The following ESYT1 variants were observed in gnomAD, a reference collection of about 807,000 sequenced individuals.
The protein encoded by ESYT1 is extended synaptotagmin-1.
Under a neutral mutation model 154.2 loss-of-function variants are expected in ESYT1, and 116 were observed. That is an observed-to-expected ratio of 0.75 (90% confidence interval 0.65 to 0.88). The LOEUF is 0.88. Ranked by LOEUF, ESYT1 falls within the 40% of genes least tolerant of loss-of-function variation. ESYT1 has a pLI of 0.00. For missense variants in ESYT1, 1,264 were observed against 1,379.3 expected, an observed-to-expected ratio of 0.92 and a Z score of 1.32; for synonymous variants, 500 against 539.9, an observed-to-expected ratio of 0.93 and a Z score of 1.02.
intron 28 of ESYT1, 35 bp downstream of exon 28, chr12:56,143,183 G>A: frequency 6.2e-7 from 1 of 1,614,136 alleles, no homozygotes; most frequent in East Asian, 2.2e-5. Flanking sequence ...AGAGATGGCA[G>A]GCTTGGAAAG....
Position 56,143,931 on chromosome 12 carries a change from T to G in ESYT1, c.*69T>G, listed in dbSNP as rs1870819800. 1 of 1,610,682 alleles carries G rather than the reference T, an allele frequency of 6.2e-7. No homozygotes were observed. Among genetic ancestry groups the G allele is most frequent in the African/African-American group, 1.3e-5 (1 of 75,022 alleles). On this transcript the variant is annotated 3_prime_UTR_variant, in exon 31 of 31. Coordinates refer to ENST00000394048, the MANE Select transcript of ESYT1 (RefSeq NM_015292.3). ...GTCTCGCTCCATCACCGCCTCAATGTGATGAGCCTAAAGCTAGGGTCCAAG... is the reference window on the plus strand; with the variant it reads ...GTCTCGCTCCATCACCGCCTCAATGGGATGAGCCTAAAGCTAGGGTCCAAG...
chr12:56,135,065 A>G (rs987580698), intron 15 of ESYT1, among the ~76,000 whole-genome samples: 1 of 151,840 alleles, frequency 6.6e-6, no homozygotes, highest in African/African-American at 2.4e-5. Context: ...CATACCATAG[A>G]ATCACTCATT....
chr12:56,133,215 C>T (rs1325633281), intron 10 of ESYT1, among the ~76,000 whole-genome samples: 2 of 152,124 alleles, frequency 1.3e-5, no homozygotes, highest in African/African-American at 4.8e-5. Flanking sequence ...AATCATGTAT[C>T]ATTTTCCTTC....
chr12:56,130,871 A>G lies in ESYT1; in HGVS notation c.513A>G (p.Gly171=), dbSNP rs149091796. Residue 171 remains glycine (G), a synonymous_variant, in exon 3 of 31, where the codon GGA becomes GGG. Coordinates refer to ENST00000394048, the MANE Select transcript of ESYT1 (RefSeq NM_015292.3). The part of the protein sequence containing the change: ...LAETVAPAVR[G]SNPHLQTFTF... ...AAACTGTGGCTCCGGCTGTTAGGGG[A>G]TCTAACCCCCATCTGCAAACATTTA... The G allele has an allele frequency of 6.2e-7, 1 of 1,614,014 alleles. No individual in the cohort carries two copies. The highest frequency in any genetic ancestry group is 1.3e-5 in the African/African-American group (1 of 74,900).
chr12:56,133,375 C>T (rs750549472), intron 10 of ESYT1, 42 bp from the exon 11 acceptor site: 5 of 1,612,736 alleles, frequency 3.1e-6, no homozygotes, highest in South Asian at 1.1e-5. Context: ...ACAACACTAC[C>T]CTTTTCTTCC....
In ESYT1 at chr12:56,142,648, G is replaced by A; in HGVS notation, c.2804G>A (p.Ser935Asn). 6.2e-7 allele frequency: 1 copy of A among 1,614,158 alleles called. No individual in the cohort carries two copies. The highest frequency in any genetic ancestry group is 8.5e-7 in the Non-Finnish European group (1 of 1,180,046). The part of the protein sequence containing the change: ...HSYSHSSSSL[S>N]EEPELSGGPP... ...TACAGCCACAGCTCCTCATCGCTGAGTGAAGAACCAGAGCTCTCGGGGGGA... is the reference window on the plus strand; with the variant it reads ...TACAGCCACAGCTCCTCATCGCTGAATGAAGAACCAGAGCTCTCGGGGGGA... The change falls in exon 26 of 31, where the codon AGT becomes AAT. Residue 935 changes from serine (S) to asparagine (N), a missense_variant. Physicochemically the swap from Ser to Asn is conservative, Grantham distance 46 (BLOSUM62 1). Coordinates refer to ENST00000394048, the MANE Select transcript of ESYT1 (RefSeq NM_015292.3). This position sits in a 1 kb window ranked among gnomAD's most constrained non-coding sequence, Gnocchi z 4.1.
rs763567977 is a variant in ESYT1, at chr12:56,137,551, G to T, written c.1991G>T (p.Arg664Leu). The change falls in exon 18 of 31, where the codon CGT becomes CTT. Residue 664 changes from arginine (R) to leucine (L), a missense_variant. Transcript: ENST00000394048. ...GCCCAGGACCTGATTGCCAAAGACC[G>T]TTTCTTGGGGGGACTGGTGAAGGGC... The part of the protein sequence containing the change: ...LEAQDLIAKD[R>L]FLGGLVKGKS... The T allele has an allele frequency of 1.2e-6, 2 of 1,614,032 alleles. No individual in the cohort carries two copies. The highest frequency in any genetic ancestry group is 2.7e-5 in the African/African-American group (2 of 74,914).
At position 56,143,838 on chromosome 12, in the gene ESYT1, C is replaced by A. The variant is rs922884080; in HGVS notation, c.3291C>A (p.Asp1097Glu). Residue 1097 changes from aspartate to glutamate, a missense_variant, in exon 31 of 31, where the codon GAC becomes GAA. Coordinates refer to ENST00000394048, the MANE Select transcript of ESYT1 (RefSeq NM_015292.3). The part of the protein sequence containing the change: ...QGVARWYDLM[D>E]NKDKGSS ...CTTTTCACAGGTATGACCTGATGGA[C>A]AACAAGGACAAGGGCAGCTCCTAGG... is the stretch of plus-strand genomic sequence containing the variant. 1.9e-6 allele frequency: 3 copies of A among 1,614,010 alleles called. No homozygotes were observed. In the East Asian group the frequency reaches 6.7e-5, roughly 36 times the overall value.
rs115884011 is a variant in ESYT1 at position 56,137,371 on chromosome 12, G to A, written c.1936G>A (p.Glu646Lys). 128 of 1,614,238 alleles carry A rather than the reference G, an allele frequency of 7.9e-5. 1 individual carries two copies. In the African/African-American group the frequency reaches 1.6e-3, roughly 20 times the overall value. Residue 646 changes from glutamate (E) to lysine (K), a missense_variant and splice_region_variant, in exon 17 of 31, where the codon GAG (glutamate) becomes AAG (lysine). Transcript: ENST00000394048. ...HTTPDSQFGT[E>K]HVLRIHVLEA... The stretch of plus-strand genomic sequence containing the variant: ...GACTCCTGATAGCCAGTTTGGGACT[G>A]AGGTGAGTCTATATCTGGAAAGGAC...
At chr12:56,137,786 G>T (rs760907772) in intron 18 of ESYT1, 46 bp from the exon 19 acceptor site, 1 of 1,612,430 alleles carries the variant, frequency 6.2e-7, no homozygotes, top group Non-Finnish European at 8.5e-7. Context: ...GTCATTTGCA[G>T]AGGAAAAGGA....
rs1271769923 is a variant in ESYT1, at chr12:56,142,746, A to G, written c.2888+14A>G. On this transcript the variant is annotated intron_variant, in intron 26 of 30. Coordinates refer to ENST00000394048, the MANE Select transcript of ESYT1 (RefSeq NM_015292.3). This position sits in a 1 kb window ranked among gnomAD's most constrained non-coding sequence, Gnocchi z 4.1. ...ACATGTTGACAGGTAAAGGGCTGGGACAGGAAGGTGGGACGCAGTCAGAAA... is the reference window on the plus strand; with the variant it reads ...ACATGTTGACAGGTAAAGGGCTGGGGCAGGAAGGTGGGACGCAGTCAGAAA... 2.5e-6 allele frequency: 4 copies of G among 1,613,518 alleles called. No individual in the cohort carries two copies. In the Admixed American group the frequency reaches 6.7e-5, roughly 27 times the overall value.
In ESYT1 at chr12:56,128,508, G is replaced by C; in HGVS notation, c.189G>C (p.Leu63=). The part of the protein sequence containing the change: ...AVLTSFGRRL[L]VLIPVYLAGA... ...TGACTTCATTCGGGAGGCGGTTGCT[G>C]GTGCTGATACCTGTGTATTTGGCCG... The change falls in exon 1 of 31, where the codon CTG becomes CTC. Residue 63 remains leucine, a synonymous_variant. Transcript: ENST00000394048. 1.2e-6 allele frequency: 2 copies of C among 1,611,942 alleles called. No homozygotes were observed. Among genetic ancestry groups the C allele is most frequent in the Non-Finnish European group, 1.7e-6 (2 of 1,179,030 alleles).
At chr12:56,143,428 C>A in intron 29 of ESYT1, 95 bp downstream of exon 29, 1 of 1,490,244 alleles carries the variant, frequency 6.7e-7, no homozygotes, top group Non-Finnish European at 9.3e-7. Context: ...CCACGTGATC[C>A]TTTAGAGGTG....
At position 56,144,414 on chromosome 12, in the gene ESYT1, G is replaced by A; in HGVS notation, c.*552G>A. 1 of 988,362 alleles carries A rather than the reference G, an allele frequency of 1.0e-6. No individual in the cohort carries two copies. The highest frequency in any genetic ancestry group is 1.2e-6 in the Non-Finnish European group (1 of 831,738). The allele number at this position is 988,362 out of a possible 1,614,324, so 61.2% of individuals were successfully genotyped here. On this transcript the variant is annotated 3_prime_UTR_variant, in exon 31 of 31. Coordinates refer to ENST00000394048, the MANE Select transcript of ESYT1 (RefSeq NM_015292.3). Reference sequence around the variant, plus strand: ...GTCCTGAAAATTCTACTGCTTTGATGGCTGGGGCCAGTCTCTTGTCACTTT... The same window carrying A: ...GTCCTGAAAATTCTACTGCTTTGATAGCTGGGGCCAGTCTCTTGTCACTTT...
At chr12:56,138,120 G>A in intron 20 of ESYT1, 46 bp downstream of exon 20, 1 of 1,613,780 alleles carries the variant, frequency 6.2e-7, no homozygotes, top group Non-Finnish European at 8.5e-7. Flanking sequence ...TCCTGCCCAA[G>A]CTTCATTCTC....
chr12:56,130,835 G>C lies in ESYT1; in HGVS notation c.477G>C (p.Lys159Asn). 6.2e-7 allele frequency: 1 copy of C among 1,614,162 alleles called. No individual in the cohort carries two copies. The highest frequency in any genetic ancestry group is 1.3e-5 in the African/African-American group (1 of 75,048). Residue 159 changes from lysine to asparagine, a missense_variant, in exon 3 of 31, where the codon AAG (lysine) becomes AAC (asparagine). Physicochemically the swap from Lys to Asn is moderately conservative, Grantham distance 94. Coordinates refer to ENST00000394048, the MANE Select transcript of ESYT1 (RefSeq NM_015292.3). ...VWPFLGQYME[K>N]LLAETVAPAV... ...CCTTCCTGGGCCAGTATATGGAGAA[G>C]CTTCTGGCTGAAACTGTGGCTCCGG...
At chr12:56,139,413 A>G (rs1870599326) in intron 24 of ESYT1, among the ~76,000 whole-genome samples, 1 of 150,150 alleles carries the variant, frequency 6.7e-6, no homozygotes, top group African/African-American at 2.5e-5. Flanking sequence ...CACCCGGCCA[A>G]AAGATTGACT....
At chr12:56,131,873 C>A in intron 7 of ESYT1, 69 bp downstream of exon 7, 3 of 1,489,650 alleles carry the variant, frequency 2.0e-6, no homozygotes, top group South Asian at 2.3e-5. Flanking sequence ...GGACACAGAG[C>A]AGTCAAAGAT....
intron 15 of ESYT1, 64 bp downstream of exon 15, chr12:56,134,492 T>C (rs1337226283): frequency 5.2e-6 from 7 of 1,343,722 alleles, no homozygotes; most frequent in Non-Finnish European, 6.4e-6. Flanking sequence ...ATCTGTACCA[T>C]TTCTCCTCTC....
Sources: allele counts gnomAD v4.1 joint callset (sites outside exome capture counted in the v4.1 genomes callset), GRCh38; gene constraint gnomAD v4.1.1; non-coding constraint Gnocchi (gnomAD v3.1); transcripts MANE v1.5; gene names NCBI Gene and HGNC (gene_info 2026-07-23, HGNC 2026-07-21).